Variants in CCDC138 observed in about 807,000 individuals in gnomAD.
The protein encoded by CCDC138 is coiled-coil domain-containing protein 138.
In CCDC138, 66 loss-of-function variants were observed where a neutral mutation model predicts 82.3. That is an observed-to-expected ratio of 0.80 (90% confidence interval 0.66 to 0.98). CCDC138 has a LOEUF of 0.98. Ranked by LOEUF, CCDC138 falls within the 50% of genes least tolerant of loss-of-function variation. The probability of loss-of-function intolerance (pLI) is 0.00; values close to 1 mark genes in which losing one functional copy is unlikely to be tolerated. For missense variants in CCDC138, 816 were observed against 758.9 expected (o/e 1.08, Z -0.88); for synonymous variants, 297 against 265.4 (o/e 1.12, Z -1.16).
chr2:108,809,690 A>G (rs764765636), intron 7 of CCDC138, among the ~76,000 whole-genome samples: 1 of 152,090 alleles, frequency 6.6e-6, no homozygotes, highest in Non-Finnish European at 1.5e-5. Context: ...GTGTCCTTCA[A>G]CTTTACCAAA....
intron 11 of CCDC138, among the ~76,000 whole-genome samples, chr2:108,846,521 A>AC (rs1558722799): frequency 6.6e-6 from 1 of 151,506 alleles, no homozygotes. Context: ...CTACCGAAAA[A>AC]AAAAAAAAAC....
chr2:108,846,927 C>G lies in CCDC138; in HGVS notation c.1513C>G (p.Gln505Glu). The G allele has an allele frequency of 1.3e-6, 2 of 1,558,356 alleles. No individual in the cohort carries two copies. Among genetic ancestry groups the G allele is most frequent in the African/African-American group, 1.4e-5 (1 of 73,372 alleles). Residue 505 changes from glutamine (Q) to glutamate (E), a missense_variant, in exon 12 of 15, where the codon CAA becomes GAA. Transcript: ENST00000295124. Reference sequence around the variant, plus strand: ...CTTAATTGTTCTCAAAACAGTCACTCAAGGTAAGCTTTCAATTGTACTTAT... The same window carrying G: ...CTTAATTGTTCTCAAAACAGTCACTGAAGGTAAGCTTTCAATTGTACTTAT... ...STLIVLKTVT[Q>E]ADYLAQAFDS...
At chr2:108,811,422 T>C (rs1475022472) in intron 7 of CCDC138, among the ~76,000 whole-genome samples, 1 of 151,686 alleles carries the variant, frequency 6.6e-6, no homozygotes, top group African/African-American at 2.4e-5. Context: ...TTTTTTAATT[T>C]TGTTGTAGAG....
At chr2:108,832,346 T>C (rs1038067380) in intron 10 of CCDC138, among the ~76,000 whole-genome samples, 1 of 104,420 alleles carries the variant, frequency 9.6e-6, no homozygotes, top group African/African-American at 6.6e-5. Flanking sequence ...ATTTCTTTCT[T>C]TTTTTTTTTT....
intron 6 of CCDC138, among the ~76,000 whole-genome samples, chr2:108,799,952 T>C (rs1474903606): frequency 1.3e-5 from 2 of 152,068 alleles, no homozygotes; most frequent in African/African-American, 2.4e-5. Context: ...TTTCAAGTTG[T>C]TTAAAAAATT....
chr2:108,833,894 A>ATT (rs749488565), intron 10 of CCDC138, among the ~76,000 whole-genome samples: 13,548 of 78,848 alleles, frequency 0.17, 610 homozygotes, highest in African/African-American at 0.18. Flanking sequence ...CGCCCGGCTA[A>ATT]TTTTTTTTTT....
intron 10 of CCDC138, among the ~76,000 whole-genome samples, chr2:108,836,776 C>T (rs1253249494): frequency 2.0e-5 from 3 of 151,692 alleles, no homozygotes; most frequent in African/African-American, 7.3e-5. Context: ...AGTTTTTTAC[C>T]TCCTTGCTTA....
intron 10 of CCDC138, among the ~76,000 whole-genome samples, chr2:108,831,716 C>CCTTCCTTT (rs955287153): frequency 2.6e-5 from 4 of 151,534 alleles, no homozygotes; most frequent in Non-Finnish European, 5.9e-5. Context: ...TTCCTTCCTT[C>CCTTCCTTT]CTTCCTTCCT....
At chr2:108,860,557 G>A (rs1213112969) in intron 13 of CCDC138, among the ~76,000 whole-genome samples, 1 of 150,938 alleles carries the variant, frequency 6.6e-6, no homozygotes, top group African/African-American at 2.4e-5. Flanking sequence ...TTTATCTCAT[G>A]TTTTTTCTGC....
chr2:108,864,734 C>T lies in CCDC138; in HGVS notation c.1693+7764C>T, dbSNP rs138115176. On this transcript the variant is annotated intron_variant, in intron 13 of 14. Coordinates refer to ENST00000295124, the MANE Select transcript of CCDC138 (RefSeq NM_144978.3). Reference sequence around the variant, plus strand: ...ACTTGCACCCAGGAGGCGGAGGTTGCAGTGAGTTGAGAGTGTGCCTCTGCA... The same window carrying T: ...ACTTGCACCCAGGAGGCGGAGGTTGTAGTGAGTTGAGAGTGTGCCTCTGCA... Among the ~76,000 whole-genome samples, 1,096 of 147,628 alleles carry T rather than the reference C, an allele frequency of 7.4e-3. 13 individuals are homozygous for T. The highest frequency in any genetic ancestry group is 0.023 in the South Asian group (110 of 4,734).
At chr2:108,813,248 CAAAAAAAAAAAAAA>C (rs371435296) in intron 9 of CCDC138, among the ~76,000 whole-genome samples, 36 of 63,544 alleles carry the variant, frequency 5.7e-4, no homozygotes, top group African/African-American at 2.4e-3. Flanking sequence ...GACTCCGTCT[CAAAAAAAAAAAAAA>C]AAAAAAAAAA....
intron 5 of CCDC138, among the ~76,000 whole-genome samples, chr2:108,797,043 A>T (rs1262015788): frequency 6.6e-6 from 1 of 152,212 alleles, no homozygotes; most frequent in East Asian, 1.9e-4. Context: ...GAGGATGTTA[A>T]GTAGGCTGTT....
At chr2:108,821,038 T>C (rs762855445) in intron 10 of CCDC138, among the ~76,000 whole-genome samples, 5 of 152,068 alleles carry the variant, frequency 3.3e-5, no homozygotes, top group Non-Finnish European at 5.9e-5. Context: ...TGTAAGTCTA[T>C]GTTAGGGGTT....
At position 108,856,800 on chromosome 2, in the gene CCDC138, A is replaced by G; in HGVS notation, c.1523A>G (p.Tyr508Cys). ...IVLKTVTQAD[Y>C]LAQAFDSLCL... The stretch of plus-strand genomic sequence containing the variant: ...GTACATAACTATTTTCCAGCTGATT[A>G]CCTGGCTCAGGCATTTGATTCTCTT... Residue 508 changes from tyrosine to cysteine, a missense_variant, in exon 13 of 15, where the codon TAC (tyrosine) becomes TGC (cysteine). Tyr to Cys is a radical substitution (Grantham distance 194). Coordinates refer to ENST00000295124, the MANE Select transcript of CCDC138 (RefSeq NM_144978.3). The G allele has an allele frequency of 6.2e-7, 1 of 1,612,774 alleles. No homozygotes were observed. The highest frequency in any genetic ancestry group is 8.5e-7 in the Non-Finnish European group (1 of 1,179,618).
intron 6 of CCDC138, 58 bp from the exon 7 acceptor site, chr2:108,804,831 A>G (rs1682564011): frequency 1.4e-6 from 2 of 1,379,968 alleles, no homozygotes; most frequent in Non-Finnish European, 1.9e-6. Flanking sequence ...GTTCCATAGT[A>G]TTAGTGATAT....
intron 10 of CCDC138, among the ~76,000 whole-genome samples, chr2:108,828,816 A>G (rs912833356): frequency 1.3e-5 from 2 of 152,076 alleles, no homozygotes; most frequent in Middle Eastern, 3.2e-3. Flanking sequence ...ATCTGTACTA[A>G]AAATACCAAA....
intron 10 of CCDC138, among the ~76,000 whole-genome samples, chr2:108,834,543 T>C (rs562341906): frequency 6.6e-6 from 1 of 152,348 alleles, no homozygotes; most frequent in Admixed American, 6.5e-5. Context: ...CACTAAGTAT[T>C]GTCAAATAGT....
chr2:108,873,725 C>A, intron 14 of CCDC138, 136 bp downstream of exon 14: 1 of 566,842 alleles, frequency 1.8e-6, no homozygotes, highest in Non-Finnish European at 3.0e-6. Flanking sequence ...ACATAAAATA[C>A]GCTAACACTA....
At chr2:108,844,661 T>G (rs1304797470) in intron 11 of CCDC138, among the ~76,000 whole-genome samples, 1 of 152,134 alleles carries the variant, frequency 6.6e-6, no homozygotes, top group African/African-American at 2.4e-5. Context: ...AGTTTTAACA[T>G]CCTTAGGTGA....
Sources: gnomAD v4.1 joint callset for allele counts (sites outside exome capture counted in the v4.1 genomes callset) on GRCh38, gnomAD v4.1.1 for gene constraint, MANE v1.5 for transcripts, NCBI Gene and HGNC (gene_info 2026-07-23, HGNC 2026-07-21) for gene names.